Variants in NR2F1-AS1 observed in about 807,000 individuals in gnomAD.
The protein encoded by NR2F1-AS1 is NR2F1 antisense RNA 1.
chr5:93,477,259 G>A (rs1750504377), intron 4 of NR2F1-AS1, among the ~76,000 whole-genome samples: 1 of 152,098 alleles, frequency 6.6e-6, no homozygotes, highest in Admixed American at 6.5e-5. Flanking sequence ...CAGTTCCAGA[G>A]AAAGTAATAT....
intron 4 of NR2F1-AS1, chr5:93,553,671 A>G (rs1441023540): frequency 6.6e-6 from 1 of 152,260 alleles, no homozygotes; most frequent in Non-Finnish European, 1.5e-5. Context: ...CTCATAAAAC[A>G]AAGTTTAAGA....
intron 4 of NR2F1-AS1, among the ~76,000 whole-genome samples, chr5:93,451,272 GA>G (rs1435640783): frequency 1.5e-5 from 2 of 137,280 alleles, no homozygotes; most frequent in Admixed American, 1.6e-4. Flanking sequence ...GAGCCATATG[GA>G]AAATACTATC....
chr5:93,534,020 T>C (rs1392412117), intron 4 of NR2F1-AS1, among the ~76,000 whole-genome samples: 1 of 152,094 alleles, frequency 6.6e-6, no homozygotes, highest in Non-Finnish European at 1.5e-5. Context: ...GAGGCGGAGC[T>C]GTAGTGAGCC....
chr5:93,488,459 G>A (rs972910414), intron 4 of NR2F1-AS1, among the ~76,000 whole-genome samples: 3 of 152,172 alleles, frequency 2.0e-5, no homozygotes, highest in Admixed American at 2.0e-4. Context: ...CTTAAAAGAA[G>A]ACATTTATAT....
chr5:93,454,313 A>T (rs914246178), intron 4 of NR2F1-AS1, among the ~76,000 whole-genome samples: 2 of 152,182 alleles, frequency 1.3e-5, no homozygotes, highest in Non-Finnish European at 2.9e-5. Flanking sequence ...AAAATAAAAG[A>T]AAAAGATAAA....
intron 4 of NR2F1-AS1, among the ~76,000 whole-genome samples, chr5:93,465,877 G>C (rs1267054978): frequency 7.4e-6 from 1 of 134,980 alleles, no homozygotes; most frequent in African/African-American, 2.8e-5. Flanking sequence ...TGAACATTGA[G>C]AACACTTGGA....
In NR2F1-AS1 at chr5:93,420,126, G is replaced by A. The variant is rs191135270; in HGVS notation, n.639-24584C>T. 1.3e-3 allele frequency among the ~76,000 whole-genome samples: 201 copies of A among 152,172 alleles called. 1 individual carries two copies. The highest frequency in any genetic ancestry group is 2.9e-4 in the Non-Finnish European group (20 of 68,006). On this transcript the variant is annotated intron_variant and non_coding_transcript_variant, in intron 4 of 5. Coordinates refer to ENST00000660523, the Ensembl canonical transcript of NR2F1-AS1. ...CACAGATCACTTGAACCCAAGAGGCGGAGGTTGTAGTGAGCCGAGATTGCA... is the reference window on the plus strand; with the variant it reads ...CACAGATCACTTGAACCCAAGAGGCAGAGGTTGTAGTGAGCCGAGATTGCA...
chr5:93,575,624 C>A (rs1357376981), intron 1 of NR2F1-AS1, among the ~76,000 whole-genome samples: 4 of 152,210 alleles, frequency 2.6e-5, no homozygotes, highest in Non-Finnish European at 4.4e-5. Context: ...TCTCCTCCCC[C>A]TGAAGAGAAA....
intron 4 of NR2F1-AS1, among the ~76,000 whole-genome samples, chr5:93,468,262 C>T (rs1398285208): frequency 2.0e-5 from 3 of 152,192 alleles, no homozygotes; most frequent in Non-Finnish European, 4.4e-5. Context: ...CTAATTTACA[C>T]TCCCACCAAC....
intron 4 of NR2F1-AS1, among the ~76,000 whole-genome samples, chr5:93,426,887 TC>T (rs796158339): frequency 1.5e-4 from 22 of 151,624 alleles, no homozygotes; most frequent in East Asian, 3.9e-4. Context: ...TAATAAAAGT[TC>T]CCCCCCTCCC....
In NR2F1-AS1 at chr5:93,528,455, T is replaced by C. The variant is rs184715254; in HGVS notation, n.638+25306A>G. Among the ~76,000 whole-genome samples, 322 of 152,234 alleles carry C rather than the reference T, an allele frequency of 2.1e-3. 2 individuals carry two copies. The highest frequency in any genetic ancestry group is 7.5e-3 in the African/African-American group (310 of 41,546). On this transcript the variant is annotated intron_variant and non_coding_transcript_variant, in intron 4 of 5. Coordinates refer to ENST00000660523, the Ensembl canonical transcript of NR2F1-AS1. The stretch of plus-strand genomic sequence containing the variant: ...GAATGCTATTACACTGTTGGTAGAG[T>C]ATAAATTAGTTCAACCATTGTGGAA...
chr5:93,413,685 C>T (rs996760142), intron 4 of NR2F1-AS1, among the ~76,000 whole-genome samples: 2 of 152,084 alleles, frequency 1.3e-5, no homozygotes, highest in Admixed American at 6.5e-5. Flanking sequence ...ACAAGAAACA[C>T]GTGGGCAAGG....
intron 4 of NR2F1-AS1, among the ~76,000 whole-genome samples, chr5:93,547,318 A>G (rs1035317315): frequency 1.1e-4 from 17 of 152,362 alleles, no homozygotes; most frequent in South Asian, 4.1e-4. Context: ...ATGTCGCTGT[A>G]GACCATTAGT....
At chr5:93,516,706 T>C (rs1033238175) in intron 4 of NR2F1-AS1, among the ~76,000 whole-genome samples, 4 of 151,970 alleles carry the variant, frequency 2.6e-5, no homozygotes, top group African/African-American at 9.7e-5. Flanking sequence ...TGACTCTTCA[T>C]CTTTTCATTG....
At chr5:93,537,934 T>C (rs1751872416) in intron 4 of NR2F1-AS1, among the ~76,000 whole-genome samples, 1 of 152,156 alleles carries the variant, frequency 6.6e-6, no homozygotes, top group Non-Finnish European at 1.5e-5. Flanking sequence ...GGGTTTTCTC[T>C]GGGTACTGCA....
rs181286873 is a variant in NR2F1-AS1 at position 93,500,455 on chromosome 5, C to A, written n.638+53306G>T. 3.6e-4 allele frequency among the ~76,000 whole-genome samples: 54 copies of A among 151,980 alleles called. 1 individual carries two copies. Among genetic ancestry groups the A allele is most frequent in the African/African-American group, 1.3e-3 (53 of 41,408 alleles). On this transcript the variant is annotated intron_variant and non_coding_transcript_variant, in intron 4 of 5. Coordinates refer to ENST00000660523, the Ensembl canonical transcript of NR2F1-AS1. Reference sequence around the variant, plus strand: ...GAATATTTTAAGCCTTTCAATGAGACCCATTGCTCAGGGGAAAAAAAAAAA... The same window carrying A: ...GAATATTTTAAGCCTTTCAATGAGAACCATTGCTCAGGGGAAAAAAAAAAA...
intron 4 of NR2F1-AS1, among the ~76,000 whole-genome samples, chr5:93,519,658 T>C (rs908795574): frequency 6.6e-6 from 1 of 152,038 alleles, no homozygotes; most frequent in African/African-American, 2.4e-5. Flanking sequence ...TATTTAGACA[T>C]GCATGTTAGA....
chr5:93,519,039 G>A (rs893965715), intron 4 of NR2F1-AS1, among the ~76,000 whole-genome samples: 30 of 152,024 alleles, frequency 2.0e-4, no homozygotes, highest in African/African-American at 7.0e-4. Context: ...TCTAAAGTCA[G>A]CACATAAGAA....
intron 4 of NR2F1-AS1, chr5:93,542,178 A>C (rs1751965679): frequency 6.6e-6 from 1 of 150,462 alleles, no homozygotes; most frequent in African/African-American, 2.5e-5. Context: ...TGAAGAACAA[A>C]AACTGGCTTA....
Sources: allele counts gnomAD v4.1 joint callset (sites outside exome capture counted in the v4.1 genomes callset), GRCh38; gene constraint gnomAD v4.1.1; transcripts MANE v1.5; gene names NCBI Gene and HGNC (gene_info 2026-07-23, HGNC 2026-07-21).